Variants in MACROD2 observed in about 807,000 individuals in gnomAD.
MACROD2 encodes mono-ADP ribosylhydrolase 2, also known as ADP-ribose glycohydrolase MACROD2.
A neutral mutation model predicts 70.4 loss-of-function variants in MACROD2; 36 were observed. The observed-to-expected ratio is 0.51, with a 90% CI of 0.39 to 0.68. MACROD2 has a LOEUF of 0.68. Ranked by LOEUF, MACROD2 falls within the 30% of genes least tolerant of loss-of-function variation. The pLI is 0.00. For synonymous variants in MACROD2, 172 were observed against 178.8 expected (o/e 0.96, Z 0.30); for missense variants, 496 against 538.4 (o/e 0.92, Z 0.78).
At chr20:15,693,033 C>T (rs8118174) in intron 8 of MACROD2, among the ~76,000 whole-genome samples, 6,531 of 152,184 alleles carry the variant, frequency 0.043, 280 homozygotes, top group East Asian at 0.21. Flanking sequence ...GTTTGCTTCC[C>T]CTTTGCCCTC....
chr20:14,430,214 A>G (rs981437876), intron 3 of MACROD2, among the ~76,000 whole-genome samples: 2 of 152,280 alleles, frequency 1.3e-5, no homozygotes, highest in African/African-American at 4.8e-5. Context: ...AAGTCAGTCT[A>G]AGGATTTGGG....
Position 14,806,124 on chromosome 20 carries a change from T to C in MACROD2, c.418+121165T>C, listed in dbSNP as rs1440493074. On this transcript the variant is annotated intron_variant, in intron 5 of 17. Transcript: ENST00000684519. The stretch of plus-strand genomic sequence containing the variant: ...TTATTTCCTGAGGGCATCTGGTACG[T>C]CTTTGGATAAATGTGGCCATGAAAA... Among the ~76,000 whole-genome samples the C allele has an allele frequency of 1.3e-5, 2 of 152,136 alleles. 1 individual carries two copies. The highest frequency in any genetic ancestry group is 2.9e-5 in the Non-Finnish European group (2 of 68,014).
intron 4 of MACROD2, among the ~76,000 whole-genome samples, chr20:14,535,505 CAAAAAAAAAAA>C (rs11357982): frequency 4.8e-5 from 3 of 62,998 alleles, no homozygotes; most frequent in Non-Finnish European, 3.0e-5. Context: ...AACTCCGTCT[CAAAAAAAAAAA>C]AAAAAAAAAA....
chr20:15,038,087 A>G (rs540609512), intron 5 of MACROD2, among the ~76,000 whole-genome samples: 67 of 152,308 alleles, frequency 4.4e-4, no homozygotes, highest in African/African-American at 1.6e-3. Context: ...GAAATTGTAA[A>G]AAGGGTAATA....
intron 8 of MACROD2, among the ~76,000 whole-genome samples, chr20:15,721,026 T>C (rs74741688): frequency 0.013 from 2,044 of 152,298 alleles, 40 homozygotes; most frequent in African/African-American, 0.042. Flanking sequence ...ATTTCCAAAA[T>C]CCAGAAAATA....
At chr20:15,298,008 C>T (rs985349338) in intron 6 of MACROD2, among the ~76,000 whole-genome samples, 4 of 152,056 alleles carry the variant, frequency 2.6e-5, no homozygotes, top group Admixed American at 2.0e-4. Context: ...AAGAGATGGC[C>T]AGAAGTTCTG....
intron 6 of MACROD2, among the ~76,000 whole-genome samples, chr20:15,411,759 G>A (rs6043263): frequency 6.6e-6 from 1 of 152,196 alleles, no homozygotes. Context: ...GGAAGCATCA[G>A]TGTTTTCTTG....
At chr20:15,924,694 T>G (rs924291494) in intron 10 of MACROD2, among the ~76,000 whole-genome samples, 3 of 152,168 alleles carry the variant, frequency 2.0e-5, no homozygotes, top group African/African-American at 7.2e-5. Context: ...AAACATTAAT[T>G]GATGACAAAG....
chr20:14,537,507 C>T (rs960818155), intron 4 of MACROD2, among the ~76,000 whole-genome samples: 1 of 152,082 alleles, frequency 6.6e-6, no homozygotes, highest in Non-Finnish European at 1.5e-5. Context: ...CTGCCCTAAA[C>T]ATGGACTGAG....
At chr20:14,734,464 G>A (rs2071635651) in intron 5 of MACROD2, among the ~76,000 whole-genome samples, 1 of 148,440 alleles carries the variant, frequency 6.7e-6, no homozygotes, top group East Asian at 2.0e-4. Flanking sequence ...TCAAACCACT[G>A]CACTCCAGCC....
intron 3 of MACROD2, among the ~76,000 whole-genome samples, chr20:14,327,728 A>G (rs892984417): frequency 6.6e-6 from 1 of 152,170 alleles, no homozygotes; most frequent in Non-Finnish European, 1.5e-5. Context: ...AGACACTGTC[A>G]TATAATCTCT....
intron 8 of MACROD2, among the ~76,000 whole-genome samples, chr20:15,543,909 A>C (rs2047991613): frequency 6.6e-6 from 1 of 152,238 alleles, no homozygotes. Flanking sequence ...AGATAGAGCA[A>C]GTCCCCAAAG....
intron 8 of MACROD2, among the ~76,000 whole-genome samples, chr20:15,686,376 A>G (rs1408292832): frequency 6.6e-6 from 1 of 152,162 alleles, no homozygotes; most frequent in Admixed American, 6.5e-5. Context: ...AGATTTGAAA[A>G]TCACTTTAGA....
At chr20:15,951,431 G>A (rs2065904705) in intron 12 of MACROD2, among the ~76,000 whole-genome samples, 1 of 151,694 alleles carries the variant, frequency 6.6e-6, no homozygotes, top group Admixed American at 6.6e-5. Flanking sequence ...GGAATAATTG[G>A]CTGGCTAGTG....
At chr20:14,458,943 A>C (rs1417484485) in intron 3 of MACROD2, among the ~76,000 whole-genome samples, 1 of 152,104 alleles carries the variant, frequency 6.6e-6, no homozygotes, top group South Asian at 2.1e-4. Context: ...ACTAGTTTAC[A>C]TACTTTATAA....
intron 3 of MACROD2, among the ~76,000 whole-genome samples, chr20:14,364,592 T>G (rs2083255113): frequency 6.6e-6 from 1 of 152,190 alleles, no homozygotes. Flanking sequence ...AAGCAGTTAC[T>G]CCCTATTTTC....
chr20:15,320,674 A>C (rs956264290), intron 6 of MACROD2, among the ~76,000 whole-genome samples: 1 of 152,174 alleles, frequency 6.6e-6, no homozygotes, highest in African/African-American at 2.4e-5. Flanking sequence ...TTTCTTTCTA[A>C]TGCAGCAGTC....
intron 3 of MACROD2, among the ~76,000 whole-genome samples, chr20:14,416,561 AAG>A (rs2083807719): frequency 6.6e-6 from 1 of 152,202 alleles, no homozygotes; most frequent in Non-Finnish European, 1.5e-5. Context: ...CATAAGAAAA[AAG>A]AGTCTCTTTG....
chr20:14,002,975 G>A (rs999885418), intron 2 of MACROD2, among the ~76,000 whole-genome samples: 2 of 152,108 alleles, frequency 1.3e-5, no homozygotes, highest in Non-Finnish European at 2.9e-5. Flanking sequence ...GAAGTTTTAA[G>A]GATTAAAAAG....
Sources: gnomAD v4.1 joint callset for allele counts (sites outside exome capture counted in the v4.1 genomes callset) on GRCh38, gnomAD v4.1.1 for gene constraint, MANE v1.5 for transcripts, NCBI Gene and HGNC (gene_info 2026-07-23, HGNC 2026-07-21) for gene names.